The following PIK3R6 variants were observed in gnomAD, a reference collection of about 807,000 sequenced individuals.
PIK3R6 encodes the protein phosphoinositide 3-kinase regulatory subunit 6.
In PIK3R6, 91 loss-of-function variants were observed where a neutral mutation model predicts 84.9. The observed-to-expected ratio is 1.07, with a 90% CI of 0.90 to 1.28. The LOEUF (loss-of-function observed/expected upper bound fraction) is 1.28, where lower values mean the gene tolerates loss of function less well. PIK3R6 is among the 50% of genes most tolerant of loss of function. The pLI is 0.00. For synonymous variants in PIK3R6, 416 were observed against 411.4 expected, an observed-to-expected ratio of 1.01 and a Z score of -0.13; for missense variants, 996 against 985.1, an observed-to-expected ratio of 1.01 and a Z score of -0.15.
At chr17:8,858,355 C>T (rs1003634036) in intron 1 of PIK3R6, among the ~76,000 whole-genome samples, 7 of 122,944 alleles carry the variant, frequency 5.7e-5, no homozygotes, top group East Asian at 2.6e-4. Context: ...TTGCTCTTGT[C>T]GCCCAGGCTG....
chr17:8,829,547 G>A (rs1299046113), intron 10 of PIK3R6, among the ~76,000 whole-genome samples, 159 bp downstream of exon 10: 4 of 119,996 alleles, frequency 3.3e-5, no homozygotes, highest in Non-Finnish European at 7.0e-5. Context: ...CATGCACACA[G>A]ACACACACTC....
At chr17:8,834,972 G>A (rs1597411457) in intron 8 of PIK3R6, among the ~76,000 whole-genome samples, 3 of 152,082 alleles carry the variant, frequency 2.0e-5, no homozygotes, top group Admixed American at 2.0e-4. Flanking sequence ...AGAGTAGCTA[G>A]GATTACAGGT....
chr17:8,814,271 G>A (rs2087457316), intron 18 of PIK3R6, among the ~76,000 whole-genome samples: 1 of 139,982 alleles, frequency 7.1e-6, no homozygotes, highest in Non-Finnish European at 1.5e-5. Context: ...CCAGGCTGGT[G>A]TGCAATGGCG....
chr17:8,834,963 G>T (rs904033540), intron 8 of PIK3R6, among the ~76,000 whole-genome samples: 1 of 152,030 alleles, frequency 6.6e-6, no homozygotes, highest in African/African-American at 2.4e-5. Flanking sequence ...TCAGCCTCCA[G>T]AGTAGCTAGG....
At position 8,828,931 on chromosome 17, in the gene PIK3R6, CCAAGTCAGCA is replaced by C; in HGVS notation, c.939_948del (p.Ser313ArgfsTer67). On this transcript the variant is annotated frameshift_variant, in exon 11 of 20. Transcript: ENST00000619866. LOFTEE classifies it high-confidence loss of function. ...CGGAGGCCCTGCAGATCCAAGACCT[CCAAGTCAGCA>C]CTGAGGCGCAGCTGGGATCTTGGGC... The C allele has an allele frequency of 6.5e-7, 1 of 1,526,890 alleles. No homozygotes were observed. The highest frequency in any genetic ancestry group is 8.8e-7 in the Non-Finnish European group (1 of 1,138,116). 94.6% of individuals were successfully genotyped at this position (1,526,890 alleles called of 1,614,324 possible). A position where few individuals can be genotyped will look rare whatever the true frequency, so the allele number is the denominator to read the frequency against.
chr17:8,842,730 C>T lies in PIK3R6; in HGVS notation c.14-3033G>A, dbSNP rs374123666. On this transcript the variant is annotated intron_variant, in intron 2 of 19. Coordinates refer to ENST00000619866, the MANE Select transcript of PIK3R6 (RefSeq NM_001010855.4). This position sits in a 1 kb window ranked among gnomAD's most constrained non-coding sequence, Gnocchi z 4.5. Reference sequence around the variant, plus strand: ...TTTGACTGGGCTATCAGGAAACTTACGGTCAAATTGGGGCCCAGCCTCAAA... The same window carrying T: ...TTTGACTGGGCTATCAGGAAACTTATGGTCAAATTGGGGCCCAGCCTCAAA... 4.1e-4 allele frequency among the ~76,000 whole-genome samples: 62 copies of T among 152,202 alleles called. No homozygotes were observed. In the Middle Eastern group the frequency reaches 0.01, roughly 25 times the overall value.
intron 1 of PIK3R6, among the ~76,000 whole-genome samples, chr17:8,866,296 G>C (rs1033957149): frequency 3.3e-5 from 5 of 152,112 alleles, no homozygotes; most frequent in Non-Finnish European, 2.9e-5. Context: ...CCAGCACTAT[G>C]GGAGGCCGAG....
intron 1 of PIK3R6, 67 bp from the exon 2 acceptor site, chr17:8,849,952 GAGAAGCTCCTA>G: frequency 8.4e-6 from 8 of 947,148 alleles, no homozygotes; most frequent in Non-Finnish European, 1.2e-5. Context: ...TTGGGAAATG[GAGAAGCTCCTA>G]AGGGACCTAG....
intron 10 of PIK3R6, among the ~76,000 whole-genome samples, chr17:8,829,283 A>C (rs1597400419): frequency 7.7e-6 from 1 of 130,470 alleles, no homozygotes; most frequent in Non-Finnish European, 1.6e-5. Context: ...TGACACACAC[A>C]CGCATCATGC....
chr17:8,856,327 CG>C (rs2089139743), intron 1 of PIK3R6, among the ~76,000 whole-genome samples: 1 of 152,180 alleles, frequency 6.6e-6, no homozygotes, highest in Non-Finnish European at 1.5e-5. Flanking sequence ...ATTGGTCAGG[CG>C]TGGTGGCTCA....
intron 18 of PIK3R6, among the ~76,000 whole-genome samples, chr17:8,817,656 A>G (rs2087584881): frequency 6.6e-6 from 1 of 151,072 alleles, no homozygotes; most frequent in African/African-American, 2.5e-5. Flanking sequence ...AAAACAAAAC[A>G]AAACAAAAAA....
At chr17:8,838,049 A>G (rs946459552) in intron 4 of PIK3R6, among the ~76,000 whole-genome samples, 178 bp from the exon 5 acceptor site, 1 of 152,126 alleles carries the variant, frequency 6.6e-6, no homozygotes, top group Non-Finnish European at 1.5e-5. Flanking sequence ...ACAGGTGAGG[A>G]AGCCCCTCAG....
chr17:8,808,124 T>G (rs915319595), intron 18 of PIK3R6, among the ~76,000 whole-genome samples: 7 of 152,152 alleles, frequency 4.6e-5, no homozygotes, highest in Non-Finnish European at 8.8e-5. Flanking sequence ...CTCCTGGGTT[T>G]CCGGCAGAGG....
intron 2 of PIK3R6, among the ~76,000 whole-genome samples, chr17:8,846,300 AT>A: frequency 6.6e-6 from 1 of 152,100 alleles, no homozygotes. Context: ...TGGATTCTCT[AT>A]TGTGTTCCAT....
intron 8 of PIK3R6, among the ~76,000 whole-genome samples, chr17:8,834,531 A>G (rs2088383220): frequency 6.6e-6 from 1 of 150,850 alleles, no homozygotes; most frequent in African/African-American, 2.4e-5. Flanking sequence ...GACTGCAAAC[A>G]CATGTCACTG....
At chr17:8,820,101 C>T (rs925634701) in intron 17 of PIK3R6, among the ~76,000 whole-genome samples, 1 of 148,546 alleles carries the variant, frequency 6.7e-6, no homozygotes, top group African/African-American at 2.5e-5. Flanking sequence ...CGGGCTCCAC[C>T]ACACTGGCTA....
intron 1 of PIK3R6, among the ~76,000 whole-genome samples, chr17:8,851,253 T>C (rs138686474): frequency 1.6e-3 from 249 of 151,786 alleles, no homozygotes; most frequent in African/African-American, 5.6e-3. Flanking sequence ...ATCCCAGCAT[T>C]TTGGGAGGCC....
At chr17:8,866,136 G>A (rs376677955) in intron 1 of PIK3R6, among the ~76,000 whole-genome samples, 3 of 152,064 alleles carry the variant, frequency 2.0e-5, no homozygotes, top group Non-Finnish European at 4.4e-5. Flanking sequence ...TAAAACCTCC[G>A]TGCCTCAGTT....
chr17:8,836,807 C>G lies in PIK3R6; in HGVS notation c.375G>C (p.Thr125=). Residue 125 remains threonine, a synonymous_variant, in exon 6 of 20, where the codon ACG becomes ACC. Transcript: ENST00000619866. ...VALDCAIRLK[T]EMAVPGTLYQ... ...GACTCTTACCTGGGACAGCCATCTCCGTTTTCAGCCTTATCGCGCAGTCCA... is the reference window on the plus strand; with the variant it reads ...GACTCTTACCTGGGACAGCCATCTCGGTTTTCAGCCTTATCGCGCAGTCCA... 3 of 1,608,054 alleles carry G rather than the reference C, an allele frequency of 1.9e-6. No individual in the cohort carries two copies. Among genetic ancestry groups the G allele is most frequent in the Non-Finnish European group, 2.5e-6 (3 of 1,177,272 alleles).
Sources: allele counts gnomAD v4.1 joint callset (sites outside exome capture counted in the v4.1 genomes callset), GRCh38; gene constraint gnomAD v4.1.1; non-coding constraint Gnocchi (gnomAD v3.1); transcripts MANE v1.5; gene names NCBI Gene and HGNC (gene_info 2026-07-23, HGNC 2026-07-21).